The following SGCZ variants were observed in gnomAD, a reference collection of about 807,000 sequenced individuals.
The protein encoded by SGCZ is zeta-sarcoglycan.
In SGCZ, 40 loss-of-function variants were observed where a neutral mutation model predicts 41.3. The observed-to-expected ratio is 0.97, with a 90% CI of 0.75 to 1.26. The LOEUF (loss-of-function observed/expected upper bound fraction) is 1.26, where lower values mean the gene tolerates loss of function less well. Ranked by LOEUF, SGCZ falls within the 50% of genes most tolerant of loss-of-function variation. SGCZ has a pLI of 0.00. For missense variants in SGCZ, 552 were observed against 369.8 expected (o/e 1.49, Z -4.04); for synonymous variants, 206 against 137.5 (o/e 1.50, Z -3.49).
chr8:15,050,863 G>C (rs939955611), intron 1 of SGCZ, among the ~76,000 whole-genome samples: 5 of 152,132 alleles, frequency 3.3e-5, no homozygotes, highest in Non-Finnish European at 7.4e-5. Flanking sequence ...AGAGATATTA[G>C]CATATGCCTG....
At chr8:14,545,413 AC>A (rs1312244976) in intron 2 of SGCZ, among the ~76,000 whole-genome samples, 2 of 68,468 alleles carry the variant, frequency 2.9e-5, no homozygotes, top group African/African-American at 8.1e-5. Flanking sequence ...GCAAATGCTT[AC>A]TTTTTTTTTT....
In SGCZ at chr8:14,551,474, TA is replaced by T. The variant is rs1321959164; in HGVS notation, c.234+3257del. On this transcript the variant is annotated intron_variant, in intron 2 of 7. Transcript: ENST00000382080. ...TATATATTATATATATTATATATAT[TA>T]TATATTATATATATTATATATATTA... 5.5e-4 allele frequency among the ~76,000 whole-genome samples: 2 copies of T among 3,630 alleles called. 1 individual carries two copies. Among genetic ancestry groups the T allele is most frequent in the African/African-American group, 1.4e-3 (2 of 1,446 alleles). 2.4% of individuals were successfully genotyped at this position (3,630 alleles called of 152,430 possible).
intron 5 of SGCZ, among the ~76,000 whole-genome samples, chr8:14,132,454 A>G (rs1803070666): frequency 6.6e-6 from 1 of 152,170 alleles, no homozygotes; most frequent in Non-Finnish European, 1.5e-5. Context: ...TTTGTACCTA[A>G]GACAACCACC....
chr8:15,167,625 T>C (rs1245644547), intron 1 of SGCZ, among the ~76,000 whole-genome samples: 6 of 152,098 alleles, frequency 3.9e-5, no homozygotes, highest in Admixed American at 3.3e-4. Flanking sequence ...AGACCAAGTG[T>C]AAGACTAAAG....
chr8:14,523,344 G>C (rs995481215), intron 2 of SGCZ, among the ~76,000 whole-genome samples: 1 of 151,870 alleles, frequency 6.6e-6, no homozygotes, highest in Non-Finnish European at 1.5e-5. Context: ...CTTTAGGATA[G>C]ATTTATTAGA....
chr8:15,215,700 G>A (rs1801377799), intron 1 of SGCZ, among the ~76,000 whole-genome samples: 1 of 152,084 alleles, frequency 6.6e-6, no homozygotes, highest in Admixed American at 6.5e-5. Flanking sequence ...CTTTTGCTAA[G>A]GCAGTCTGAC....
At chr8:14,508,777 G>GTA (rs1465321120) in intron 2 of SGCZ, among the ~76,000 whole-genome samples, 1 of 152,150 alleles carries the variant, frequency 6.6e-6, no homozygotes, top group East Asian at 1.9e-4. Context: ...CGTTTCACAT[G>GTA]TATTTATGTG....
chr8:14,567,889 G>A (rs1039207412), intron 1 of SGCZ, among the ~76,000 whole-genome samples: 1 of 152,158 alleles, frequency 6.6e-6, no homozygotes, highest in Admixed American at 6.5e-5. Context: ...TCCACCAGAA[G>A]GAAGAAACTC....
At chr8:14,191,281 T>C (rs896705565) in intron 4 of SGCZ, among the ~76,000 whole-genome samples, 19 of 151,980 alleles carry the variant, frequency 1.3e-4, no homozygotes, top group African/African-American at 4.6e-4. Context: ...CTTTAATCCA[T>C]ATGCTGCCTT....
chr8:14,925,832 G>A (rs562029972), intron 1 of SGCZ, among the ~76,000 whole-genome samples: 1 of 151,606 alleles, frequency 6.6e-6, no homozygotes, highest in Non-Finnish European at 1.5e-5. Context: ...AGGAAACTAA[G>A]GTCTGATAAG....
rs555160655 is a variant in SGCZ at position 14,248,709 on chromosome 8, T to C, written c.337-11030A>G. 2.6e-3 allele frequency among the ~76,000 whole-genome samples: 394 copies of C among 151,832 alleles called. 4 individuals are homozygous for C. Among genetic ancestry groups the C allele is most frequent in the Non-Finnish European group, 4.0e-3 (272 of 67,946 alleles). On this transcript the variant is annotated intron_variant, in intron 3 of 7. Coordinates refer to ENST00000382080, the MANE Select transcript of SGCZ (RefSeq NM_139167.4). ...CCTTTGAGATTATTTTCCACAGATA[T>C]ATTTTCATTTATGATAATTACATTT... is the stretch of plus-strand genomic sequence containing the variant.
Position 14,628,148 on chromosome 8 carries a change from C to CA in SGCZ, c.40-73223dup, listed in dbSNP as rs752078218. Among the ~76,000 whole-genome samples the CA allele has an allele frequency of 6.6e-5, 10 of 152,032 alleles. No individual in the cohort carries two copies. In the East Asian group the frequency reaches 1.4e-3, roughly 21 times the overall value. On this transcript the variant is annotated intron_variant, in intron 1 of 7. Transcript: ENST00000382080. ...ATGCTACATTGGCCATTTAATTTCA[C>CA]AAAAAACCTTTTAAAAAATCCATTA...
intron 2 of SGCZ, among the ~76,000 whole-genome samples, chr8:14,362,402 G>T (rs1803555369): frequency 6.6e-6 from 1 of 152,190 alleles, no homozygotes; most frequent in Admixed American, 6.5e-5. Flanking sequence ...CTCAGCAATG[G>T]TGGACGCCCC....
rs1053752902 is a variant in SGCZ at position 14,615,028 on chromosome 8, A to G, written c.40-60102T>C. On this transcript the variant is annotated intron_variant, in intron 1 of 7. Transcript: ENST00000382080. ...TGTGTGTGTGTATATATATATATGA[A>G]AGCTTGTTACAAAAAGATTAAAAGT... Among the ~76,000 whole-genome samples, 2 of 151,920 alleles carry G rather than the reference A, an allele frequency of 1.3e-5. 1 individual carries two copies. The highest frequency in any genetic ancestry group is 3.9e-4 in the East Asian group (2 of 5,166).
At chr8:14,447,183 G>A (rs750952409) in intron 2 of SGCZ, among the ~76,000 whole-genome samples, 3 of 152,074 alleles carry the variant, frequency 2.0e-5, no homozygotes, top group Non-Finnish European at 2.9e-5. Flanking sequence ...CCAGTCTCAT[G>A]GAACAAAAAC....
At chr8:14,241,815 T>C (rs987635286) in intron 3 of SGCZ, among the ~76,000 whole-genome samples, 1 of 152,226 alleles carries the variant, frequency 6.6e-6, no homozygotes, top group African/African-American at 2.4e-5. Flanking sequence ...GCCAAGGGCA[T>C]GGCTGCAATT....
intron 1 of SGCZ, among the ~76,000 whole-genome samples, chr8:15,000,487 A>T (rs1420886990): frequency 1.3e-5 from 2 of 152,164 alleles, no homozygotes; most frequent in Admixed American, 6.5e-5. Context: ...TCTAACAAAG[A>T]GCAGCCTGTA....
intron 7 of SGCZ, among the ~76,000 whole-genome samples, chr8:14,096,780 G>A (rs1038018817): frequency 5.3e-5 from 8 of 152,098 alleles, no homozygotes; most frequent in Non-Finnish European, 1.0e-4. Flanking sequence ...CTCAATTTCA[G>A]AACTTGTTAT....
At position 15,161,364 on chromosome 8, in the gene SGCZ, C is replaced by A. The variant is rs564259767; in HGVS notation, c.39+76221G>T. Among the ~76,000 whole-genome samples, 46 of 152,240 alleles carry A rather than the reference C, an allele frequency of 3.0e-4. No homozygotes were observed. In the South Asian group the frequency reaches 6.6e-3, roughly 22 times the overall value. ...TCCTGAAATGCTCCTTGTCTGTCTT[C>A]TCTGCTTTATTTTTCTCCACAGCAC... On this transcript the variant is annotated intron_variant, in intron 1 of 7. Transcript: ENST00000382080.
Sources: gnomAD v4.1 joint callset for allele counts (sites outside exome capture counted in the v4.1 genomes callset) on GRCh38, gnomAD v4.1.1 for gene constraint, MANE v1.5 for transcripts, NCBI Gene and HGNC (gene_info 2026-07-23, HGNC 2026-07-21) for gene names.